The following PDZD2 variants were observed in gnomAD, a reference collection of about 807,000 sequenced individuals.
PDZD2 encodes the protein PDZ domain-containing protein 2.
A neutral mutation model predicts 220.7 loss-of-function variants in PDZD2; 90 were observed. The observed-to-expected ratio is 0.41, with a 90% CI of 0.34 to 0.49. The LOEUF (loss-of-function observed/expected upper bound fraction) is 0.49. Among genes scored for constraint, PDZD2 ranks in the 20% least tolerant of loss-of-function variants. The pLI is 0.28. For missense variants in PDZD2, 3,174 were observed against 3,608.5 expected (o/e 0.88, Z 3.08); for synonymous variants, 1,375 against 1,450.5 (o/e 0.95, Z 1.18).
chr5:31,644,503 G>A (rs936784554), intron 1 of PDZD2, among the ~76,000 whole-genome samples: 2 of 152,194 alleles, frequency 1.3e-5, no homozygotes, highest in African/African-American at 4.8e-5. Flanking sequence ...GCCTTTTGTG[G>A]TCTGATAAGG....
chr5:31,763,870 T>TAA (rs67321443), intron 1 of PDZD2, among the ~76,000 whole-genome samples: 17 of 137,552 alleles, frequency 1.2e-4, no homozygotes, highest in African/African-American at 3.5e-4. Context: ...GCCCTCTGAT[T>TAA]AAAAAAAAAA....
intron 2 of PDZD2, among the ~76,000 whole-genome samples, chr5:31,967,498 T>C (rs897540289): frequency 4.6e-5 from 7 of 152,202 alleles, no homozygotes; most frequent in African/African-American, 1.7e-4. Flanking sequence ...ATGGGAGATG[T>C]GGCAGGGGCA....
chr5:31,752,089 T>TTTTTTTTTTTTTTTTA (rs1169621744), intron 1 of PDZD2, among the ~76,000 whole-genome samples: 1 of 141,102 alleles, frequency 7.1e-6, no homozygotes, highest in Non-Finnish European at 1.5e-5. Context: ...TTTTTTTTTT[T>TTTTTTTTTTTTTTTTA]TCTGAGACAA....
At position 31,646,697 on chromosome 5, in the gene PDZD2, C is replaced by T. The variant is rs1467240510; in HGVS notation, c.-361+7260C>T. 6.6e-6 allele frequency among the ~76,000 whole-genome samples: 1 copy of T among 152,122 alleles called. No individual in the cohort carries two copies. The highest frequency in any genetic ancestry group is 1.5e-5 in the Non-Finnish European group (1 of 68,022). On this transcript the variant is annotated intron_variant, in intron 1 of 24. Coordinates refer to ENST00000438447, the MANE Select transcript of PDZD2 (RefSeq NM_178140.4). The surrounding 1 kb of genome is among the most constrained non-coding windows in gnomAD (Gnocchi z 4.7). ...TATGGGTCTCCTGATGAAGAGAATT[C>T]ACTTCCAAGGCTAAAGCAGCCATGC...
At chr5:32,067,822 T>G (rs555761242) in intron 14 of PDZD2, among the ~76,000 whole-genome samples, 1 of 152,298 alleles carries the variant, frequency 6.6e-6, no homozygotes, top group South Asian at 2.1e-4. Flanking sequence ...GAATCTGCCA[T>G]GATACTAATA....
chr5:31,777,051 T>C (rs1580733490), intron 1 of PDZD2, among the ~76,000 whole-genome samples: 1 of 152,160 alleles, frequency 6.6e-6, no homozygotes. Flanking sequence ...AGCCCCTCTC[T>C]GGGCTGGCCG....
Position 31,758,614 on chromosome 5 carries a change from A to G in PDZD2, c.-360-40275A>G, listed in dbSNP as rs181470583. ...GCCTGCCTGGTACAAACCCTTAATC[A>G]TGCATTACCTTCAAGCAGGAAGGGA... On this transcript the variant is annotated intron_variant, in intron 1 of 24. Coordinates refer to ENST00000438447, the MANE Select transcript of PDZD2 (RefSeq NM_178140.4). 2.7e-3 allele frequency among the ~76,000 whole-genome samples: 410 copies of G among 152,234 alleles called. 10 individuals carry two copies. Among genetic ancestry groups the G allele is most frequent in the Admixed American group, 0.025 (376 of 15,302 alleles).
rs531638469 is a variant in PDZD2, at chr5:31,710,070, G to C, written c.-361+70633G>C. On this transcript the variant is annotated intron_variant, in intron 1 of 24. Coordinates refer to ENST00000438447, the MANE Select transcript of PDZD2 (RefSeq NM_178140.4). ...CGCCCCTGACTCTGTTCCTATGTTG[G>C]GGAGGAGATTTGGGGCTAAATGTTG... 3.3e-5 allele frequency among the ~76,000 whole-genome samples: 5 copies of C among 152,344 alleles called. No homozygotes were observed. The South Asian group carries it at 8.3e-4, about 25-fold the overall frequency.
intron 1 of PDZD2, among the ~76,000 whole-genome samples, chr5:31,693,955 A>G (rs1747255808): frequency 6.6e-6 from 1 of 152,192 alleles, no homozygotes; most frequent in South Asian, 2.1e-4. Context: ...AAGGGATTTC[A>G]TATGTCAAAG....
At chr5:31,921,197 C>T (rs1439764225) in intron 2 of PDZD2, among the ~76,000 whole-genome samples, 1 of 152,178 alleles carries the variant, frequency 6.6e-6, no homozygotes, top group African/African-American at 2.4e-5. Flanking sequence ...GAAGAAAGAA[C>T]ATAGGATTTG....
chr5:32,057,982 G>A lies in PDZD2; in HGVS notation c.2079G>A (p.Pro693=), dbSNP rs139402397. The A allele has an allele frequency of 3.6e-5, 58 of 1,613,496 alleles. No individual in the cohort carries two copies. In the African/African-American group the frequency reaches 6.3e-4, roughly 17 times the overall value. Residue 693 remains proline (P), a synonymous_variant, in exon 12 of 25, where the codon CCG becomes CCA. Coordinates refer to ENST00000438447, the MANE Select transcript of PDZD2 (RefSeq NM_178140.4). ...TPTHMSRSAS[P]NFNTSGGASA... ...CACACATGAGCAGATCCGCCTCCCC[G>A]AACTTCAATACCAGTGGGGGAGCCT...
chr5:31,752,650 A>G (rs1751076759), intron 1 of PDZD2, among the ~76,000 whole-genome samples: 1 of 152,138 alleles, frequency 6.6e-6, no homozygotes, highest in Admixed American at 6.6e-5. Flanking sequence ...CCTGAGCTCA[A>G]CTGATGCTGA....
intron 6 of PDZD2, among the ~76,000 whole-genome samples, chr5:32,031,690 G>A (rs1489556513): frequency 6.6e-6 from 1 of 151,902 alleles, no homozygotes; most frequent in African/African-American, 2.4e-5. Flanking sequence ...CTGAGACCTG[G>A]GGGGAGAAAG....
chr5:31,942,659 G>T (rs1373984957), intron 2 of PDZD2, among the ~76,000 whole-genome samples: 4 of 152,220 alleles, frequency 2.6e-5, no homozygotes. Flanking sequence ...ATGTAAGACT[G>T]CGTCTCAGTT....
At chr5:31,812,061 T>G (rs11956428) in intron 2 of PDZD2, among the ~76,000 whole-genome samples, 83,499 of 151,706 alleles carry the variant, frequency 0.55, 25,560 homozygotes, top group African/African-American at 0.8. Context: ...GTTAAGTACA[T>G]GTCTCTGTTA....
chr5:31,710,917 T>G (rs1046875855), intron 1 of PDZD2, among the ~76,000 whole-genome samples: 5 of 151,984 alleles, frequency 3.3e-5, no homozygotes, highest in Non-Finnish European at 4.4e-5. Flanking sequence ...TAGTACAGTG[T>G]CTGGCAGGGA....
intron 1 of PDZD2, among the ~76,000 whole-genome samples, chr5:31,642,498 G>A (rs116400645): frequency 0.026 from 3,901 of 152,328 alleles, 155 homozygotes; most frequent in Admixed American, 0.12. Context: ...GACAATGATT[G>A]CCAAGACAGT....
In PDZD2 at chr5:32,039,981, C is replaced by T. The variant is rs547939638; in HGVS notation, c.1519+2639C>T. 6.6e-4 allele frequency among the ~76,000 whole-genome samples: 99 copies of T among 150,080 alleles called. 3 individuals carry two copies. Among genetic ancestry groups the T allele is most frequent in the Non-Finnish European group, 1.5e-4 (10 of 67,510 alleles). On this transcript the variant is annotated intron_variant, in intron 7 of 24. Coordinates refer to ENST00000438447, the MANE Select transcript of PDZD2 (RefSeq NM_178140.4). Reference sequence around the variant, plus strand: ...GAAGTGAGGAGCGCCACTGCCTGGCCGCCCCATCTGGGAAATGAGGAGCGC... The same window carrying T: ...GAAGTGAGGAGCGCCACTGCCTGGCTGCCCCATCTGGGAAATGAGGAGCGC...
At chr5:31,763,717 C>G (rs1177656438) in intron 1 of PDZD2, among the ~76,000 whole-genome samples, 1 of 151,936 alleles carries the variant, frequency 6.6e-6, no homozygotes, top group Non-Finnish European at 1.5e-5. Flanking sequence ...AATCCAGAAA[C>G]CAGAGGCTCC....
Sources: gnomAD v4.1 joint callset for allele counts (sites outside exome capture counted in the v4.1 genomes callset) on GRCh38, gnomAD v4.1.1 for gene constraint, Gnocchi (gnomAD v3.1) non-coding constraint, MANE v1.5 for transcripts, NCBI Gene and HGNC (gene_info 2026-07-23, HGNC 2026-07-21) for gene names.